The following DPP10 variants were observed in gnomAD, a reference collection of about 807,000 sequenced individuals.
DPP10 encodes inactive dipeptidyl peptidase 10.
In DPP10, 33 loss-of-function variants were observed where a neutral mutation model predicts 120.9. The ratio of observed to expected loss-of-function variants is 0.27; its 90% CI spans 0.21 to 0.37. The LOEUF (loss-of-function observed/expected upper bound fraction) is 0.37. Ranked by LOEUF, DPP10 falls within the 10% of genes least tolerant of loss-of-function variation. The pLI is 1.00. For missense variants in DPP10, 816 were observed against 942.8 expected (o/e 0.87, Z 1.76); for synonymous variants, 337 against 326.1 (o/e 1.03, Z -0.36).
chr2:115,131,544 T>C (rs1477040899), intron 1 of DPP10, among the ~76,000 whole-genome samples: 1 of 151,782 alleles, frequency 6.6e-6, no homozygotes, highest in African/African-American at 2.4e-5. Context: ...GGGTAGCAAA[T>C]AAATAGCAAA....
chr2:115,067,861 C>CA (rs201964006), intron 1 of DPP10, among the ~76,000 whole-genome samples: 30,704 of 85,738 alleles, frequency 0.36, 5,376 homozygotes, highest in South Asian at 0.47. Flanking sequence ...GACTCTGTCT[C>CA]AAAAAAAAAA....
intron 1 of DPP10, among the ~76,000 whole-genome samples, chr2:114,901,070 A>T (rs1000293398): frequency 1.3e-5 from 2 of 152,236 alleles, no homozygotes; most frequent in African/African-American, 4.8e-5. Context: ...AAGAACAAAC[A>T]TCAAATTTAT....
intron 1 of DPP10, among the ~76,000 whole-genome samples, chr2:114,918,467 A>G (rs1006159047): frequency 3.3e-5 from 5 of 152,202 alleles, no homozygotes; most frequent in Non-Finnish European, 7.4e-5. Context: ...AGGAATGTAC[A>G]TGGTTCTGCA....
chr2:115,344,396 G>C (rs1350363071), intron 3 of DPP10, among the ~76,000 whole-genome samples: 1 of 151,986 alleles, frequency 6.6e-6, no homozygotes, highest in Non-Finnish European at 1.5e-5. Context: ...TCTTAGTTTG[G>C]CAGTGTACAT....
At chr2:114,735,318 G>A (rs1432149595) in intron 1 of DPP10, among the ~76,000 whole-genome samples, 1 of 152,122 alleles carries the variant, frequency 6.6e-6, no homozygotes, top group Non-Finnish European at 1.5e-5. Flanking sequence ...ACATTTCCAA[G>A]CTTTGGCACC....
At chr2:115,567,173 T>C (rs1483864808) in intron 5 of DPP10, among the ~76,000 whole-genome samples, 1 of 152,106 alleles carries the variant, frequency 6.6e-6, no homozygotes, top group Non-Finnish European at 1.5e-5. Context: ...ACACGGTTTT[T>C]CTCCCATGCT....
At chr2:115,464,288 A>G (rs2074171328) in intron 3 of DPP10, among the ~76,000 whole-genome samples, 1 of 152,170 alleles carries the variant, frequency 6.6e-6, no homozygotes, top group Non-Finnish European at 1.5e-5. Flanking sequence ...TCATGAATCA[A>G]TCTGACAGTT....
chr2:115,047,639 A>C (rs978672594), intron 1 of DPP10, among the ~76,000 whole-genome samples: 29 of 152,142 alleles, frequency 1.9e-4, no homozygotes, highest in African/African-American at 6.8e-4. Context: ...AAATGTAAAA[A>C]AAAGCACCTT....
chr2:114,561,516 G>C (rs940004078), intron 1 of DPP10, among the ~76,000 whole-genome samples: 1 of 152,100 alleles, frequency 6.6e-6, no homozygotes, highest in South Asian at 2.1e-4. Flanking sequence ...AGTTTTTGCT[G>C]TAGATATGTC....
At chr2:115,378,123 A>G (rs1002129259) in intron 3 of DPP10, among the ~76,000 whole-genome samples, 6 of 152,222 alleles carry the variant, frequency 3.9e-5, no homozygotes, top group African/African-American at 1.4e-4. Context: ...GATGGCATTG[A>G]ATCTGTAAAT....
At chr2:115,732,940 A>G (rs1315656593) in intron 8 of DPP10, among the ~76,000 whole-genome samples, 1 of 152,168 alleles carries the variant, frequency 6.6e-6, no homozygotes, top group Non-Finnish European at 1.5e-5. Context: ...GATAAACAAT[A>G]AACAACTATT....
chr2:115,442,931 C>T (rs2072213263), intron 3 of DPP10, among the ~76,000 whole-genome samples: 1 of 152,060 alleles, frequency 6.6e-6, no homozygotes, highest in Non-Finnish European at 1.5e-5. Flanking sequence ...GGCTTAGAAA[C>T]CTAGGGATAG....
At chr2:114,884,584 C>T (rs1485599536) in intron 1 of DPP10, among the ~76,000 whole-genome samples, 1 of 151,990 alleles carries the variant, frequency 6.6e-6, no homozygotes, top group Non-Finnish European at 1.5e-5. Flanking sequence ...AATAGGTTTT[C>T]GAGGAACAGG....
chr2:115,178,897 C>T (rs1380099780), intron 1 of DPP10, among the ~76,000 whole-genome samples: 1 of 152,176 alleles, frequency 6.6e-6, no homozygotes. Flanking sequence ...AGTTCCTCTA[C>T]CTATTATGGG....
At chr2:115,655,064 T>G (rs1002056759) in intron 5 of DPP10, among the ~76,000 whole-genome samples, 1 of 151,750 alleles carries the variant, frequency 6.6e-6, no homozygotes, top group Admixed American at 6.6e-5. Context: ...GAAAAAAAAT[T>G]AATGTTTCTT....
chr2:115,451,277 A>G (rs2104969308), intron 3 of DPP10, among the ~76,000 whole-genome samples: 1 of 152,072 alleles, frequency 6.6e-6, no homozygotes. Context: ...TAGATGTGAA[A>G]GGTGAAAGGG....
intron 1 of DPP10, among the ~76,000 whole-genome samples, chr2:115,084,722 G>A (rs761692649): frequency 3.0e-4 from 45 of 152,244 alleles, no homozygotes; most frequent in Middle Eastern, 3.4e-3. Context: ...TCCTTCCTCC[G>A]AGAGCTCAGG....
chr2:114,998,546 G>A (rs1014036180), intron 1 of DPP10, among the ~76,000 whole-genome samples: 30 of 152,174 alleles, frequency 2.0e-4, no homozygotes, highest in African/African-American at 7.2e-4. Context: ...CTGAGAGAGA[G>A]GACTGGACAG....
At chr2:115,730,526 A>C (rs2092879938) in intron 8 of DPP10, among the ~76,000 whole-genome samples, 1 of 152,220 alleles carries the variant, frequency 6.6e-6, no homozygotes, top group Non-Finnish European at 1.5e-5. Flanking sequence ...TTTTCAGTCA[A>C]CTGAGGGTAT....
Sources: gnomAD v4.1 joint callset for allele counts (sites outside exome capture counted in the v4.1 genomes callset) on GRCh38, gnomAD v4.1.1 for gene constraint, MANE v1.5 for transcripts, NCBI Gene and HGNC (gene_info 2026-07-23, HGNC 2026-07-21) for gene names.